Variants in NRXN1 observed in about 807,000 individuals in gnomAD.
NRXN1 encodes neurexin-1.
A neutral mutation model predicts 150.9 loss-of-function variants in NRXN1; 39 were observed. The ratio of observed to expected loss-of-function variants is 0.26; its 90% CI spans 0.20 to 0.34. The LOEUF (loss-of-function observed/expected upper bound fraction) is 0.34. Ranked by LOEUF, NRXN1 falls within the 10% of genes least tolerant of loss-of-function variation. The probability of loss-of-function intolerance (pLI) is 1.00; values close to 1 mark genes in which losing one functional copy is unlikely to be tolerated. For synonymous variants in NRXN1, 924 were observed against 757.0 expected, an observed-to-expected ratio of 1.22 and a Z score of -3.62; for missense variants, 1,815 against 1,949.9, an observed-to-expected ratio of 0.93 and a Z score of 1.30.
chr2:50,015,488 G>A (rs1686424237), intron 21 of NRXN1, among the ~76,000 whole-genome samples: 1 of 128,904 alleles, frequency 7.8e-6, no homozygotes, highest in Admixed American at 9.2e-5. Context: ...GCCTGTCTTT[G>A]GCTAGAAAAA....
At chr2:50,135,131 C>T (rs1409364347) in intron 18 of NRXN1, among the ~76,000 whole-genome samples, 1 of 152,166 alleles carries the variant, frequency 6.6e-6, no homozygotes, top group Non-Finnish European at 1.5e-5. Flanking sequence ...GAAAAGCATG[C>T]TTACTGTTAC....
chr2:50,254,025 C>T (rs2152902648), intron 17 of NRXN1, among the ~76,000 whole-genome samples: 1 of 152,096 alleles, frequency 6.6e-6, no homozygotes, highest in African/African-American at 2.4e-5. Context: ...GAGAATTCAG[C>T]TGTAATTCCA....
At chr2:50,351,010 C>A (rs1307638010) in intron 17 of NRXN1, among the ~76,000 whole-genome samples, 1 of 152,136 alleles carries the variant, frequency 6.6e-6, no homozygotes, top group African/African-American at 2.4e-5. Context: ...AGGAGCAATT[C>A]TCTGTCTAGA....
intron 5 of NRXN1, among the ~76,000 whole-genome samples, chr2:50,869,541 T>C (rs1293981294): frequency 2.6e-5 from 4 of 151,698 alleles, no homozygotes; most frequent in African/African-American, 4.8e-5. Flanking sequence ...AAGCTGAAGA[T>C]ACAAGTTAAA....
chr2:50,972,493 G>A (rs1028874612), intron 2 of NRXN1, among the ~76,000 whole-genome samples: 1 of 152,108 alleles, frequency 6.6e-6, no homozygotes, highest in Admixed American at 6.6e-5. Flanking sequence ...ATAGACTGGG[G>A]AGGGGGGTGG....
intron 5 of NRXN1, among the ~76,000 whole-genome samples, chr2:50,730,873 C>A (rs1269498191): frequency 6.6e-6 from 1 of 151,986 alleles, no homozygotes; most frequent in African/African-American, 2.4e-5. Context: ...CAGGGTTTCA[C>A]CGCGTTAGCC....
At chr2:50,671,245 A>C (rs555016225) in intron 5 of NRXN1, among the ~76,000 whole-genome samples, 48 of 151,954 alleles carry the variant, frequency 3.2e-4, no homozygotes, top group African/African-American at 1.2e-3. Flanking sequence ...ATAGAAACCA[A>C]GTAATGAAGA....
At chr2:50,694,449 T>C (rs1333852712) in intron 5 of NRXN1, among the ~76,000 whole-genome samples, 1 of 152,170 alleles carries the variant, frequency 6.6e-6, no homozygotes, top group Non-Finnish European at 1.5e-5. Context: ...TTGATGTAAA[T>C]AATAAAACTC....
chr2:50,772,114 A>G (rs75737636), intron 5 of NRXN1, among the ~76,000 whole-genome samples: 50 of 152,006 alleles, frequency 3.3e-4, no homozygotes, highest in Non-Finnish European at 6.2e-4. Context: ...TGGGATACAG[A>G]TTTTCTCCTA....
Position 50,346,212 on chromosome 2 carries a change from G to A in NRXN1, c.3365-109242C>T, listed in dbSNP as rs1436530468. Among the ~76,000 whole-genome samples, 1 of 152,184 alleles carries A rather than the reference G, an allele frequency of 6.6e-6. No homozygotes were observed. The highest frequency in any genetic ancestry group is 2.4e-5 in the African/African-American group (1 of 41,458). On this transcript the variant is annotated intron_variant, in intron 17 of 22. Transcript: ENST00000401669. The surrounding 1 kb of genome is among the most constrained non-coding windows in gnomAD (Gnocchi z 5.0). ...CTGGGCGCACTTTGGAGGAATGTGCGGGCTGGAATCTCTCCCTCCCCGCCC... is the reference window on the plus strand; with the variant it reads ...CTGGGCGCACTTTGGAGGAATGTGCAGGCTGGAATCTCTCCCTCCCCGCCC...
At chr2:49,988,847 A>G (rs1681422605) in intron 21 of NRXN1, among the ~76,000 whole-genome samples, 1 of 152,194 alleles carries the variant, frequency 6.6e-6, no homozygotes, top group Non-Finnish European at 1.5e-5. Flanking sequence ...AATCTAAATT[A>G]AGTAAATTGC....
chr2:50,178,458 A>G (rs1186975297), intron 18 of NRXN1, among the ~76,000 whole-genome samples: 1 of 152,026 alleles, frequency 6.6e-6, no homozygotes, highest in Non-Finnish European at 1.5e-5. Flanking sequence ...CTTTTTTTCT[A>G]CAATACCACA....
intron 5 of NRXN1, among the ~76,000 whole-genome samples, chr2:50,874,144 G>A (rs1310230043): frequency 6.6e-6 from 1 of 151,810 alleles, no homozygotes; most frequent in Non-Finnish European, 1.5e-5. Flanking sequence ...TTCCTATTGA[G>A]CCATGAAGTG....
chr2:50,768,929 C>T (rs1702675685), intron 5 of NRXN1, among the ~76,000 whole-genome samples: 1 of 151,738 alleles, frequency 6.6e-6, no homozygotes, highest in Non-Finnish European at 1.5e-5. Flanking sequence ...CACACACACA[C>T]ACACACATAC....
chr2:50,547,231 T>C (rs2093514740), intron 9 of NRXN1, among the ~76,000 whole-genome samples: 2 of 152,156 alleles, frequency 1.3e-5, no homozygotes, highest in Admixed American at 6.6e-5. Context: ...TACCCTGCTG[T>C]ATACAAGCCA....
chr2:50,620,190 A>G lies in NRXN1; in HGVS notation c.1159-7T>C. The G allele has an allele frequency of 6.2e-7, 1 of 1,613,028 alleles. No homozygotes were observed. Among genetic ancestry groups the G allele is most frequent in the Non-Finnish European group, 8.5e-7 (1 of 1,179,410 alleles). Reference sequence around the variant, plus strand: ...CATCCACTGATATTGTCACCTAGATAACAAAGCACAGGGAAAGGACACGCT... The same window carrying G: ...CATCCACTGATATTGTCACCTAGATGACAAAGCACAGGGAAAGGACACGCT... On this transcript the variant is annotated splice_polypyrimidine_tract_variant and splice_region_variant and intron_variant, in intron 7 of 22. Coordinates refer to ENST00000401669, the MANE Select transcript of NRXN1 (RefSeq NM_001330078.2).
chr2:49,925,063 G>T (rs1052896970), intron 22 of NRXN1, among the ~76,000 whole-genome samples: 1 of 152,022 alleles, frequency 6.6e-6, no homozygotes, highest in Non-Finnish European at 1.5e-5. Flanking sequence ...AGGCCGAGGC[G>T]AGTGGATCAC....
chr2:50,566,330 G>A (rs573082217), intron 8 of NRXN1, among the ~76,000 whole-genome samples: 115 of 151,904 alleles, frequency 7.6e-4, no homozygotes, highest in African/African-American at 2.7e-3. Context: ...TGCAACCTCC[G>A]CTGCCTGGGT....
chr2:51,012,229 T>TA (rs1167027835), intron 2 of NRXN1, among the ~76,000 whole-genome samples: 2 of 152,022 alleles, frequency 1.3e-5, no homozygotes, highest in Non-Finnish European at 2.9e-5. Context: ...AGTCTTTTTT[T>TA]AAAAAAACTT....
Sources: gnomAD v4.1 joint callset for allele counts (sites outside exome capture counted in the v4.1 genomes callset) on GRCh38, gnomAD v4.1.1 for gene constraint, Gnocchi (gnomAD v3.1) non-coding constraint, MANE v1.5 for transcripts, NCBI Gene and HGNC (gene_info 2026-07-23, HGNC 2026-07-21) for gene names.